The following NPAS2 variants were observed in gnomAD, a reference collection of about 807,000 sequenced individuals.
NPAS2 encodes neuronal PAS domain protein 2.
Under a neutral mutation model 107.5 loss-of-function variants are expected in NPAS2, and 23 were observed. That is an observed-to-expected ratio of 0.21 (90% CI 0.15 to 0.30). The LOEUF (loss-of-function observed/expected upper bound fraction) is 0.30, where lower values mean the gene tolerates loss of function less well. Among genes scored for constraint, NPAS2 ranks in the 10% least tolerant of loss-of-function variants. NPAS2 has a pLI of 1.00. For missense variants in NPAS2, 756 were observed against 1,043.3 expected, an observed-to-expected ratio of 0.72 and a Z score of 3.79; for synonymous variants, 403 against 417.5, an observed-to-expected ratio of 0.97 and a Z score of 0.42.
chr2:100,968,771 A>G lies in NPAS2; in HGVS notation c.1055+343A>G, dbSNP rs1676380327. Among the ~76,000 whole-genome samples the G allele has an allele frequency of 6.6e-6, 1 of 152,196 alleles. No homozygotes were observed. On this transcript the variant is annotated intron_variant, in intron 11 of 20. Transcript: ENST00000335681. This position sits in a 1 kb window ranked among gnomAD's most constrained non-coding sequence, Gnocchi z 5.3. ...ATATTTTCCCATCTCTATCCAGCCC[A>G]CAGCCTTCCCTTGTTCCTGCTTTGA... is the stretch of plus-strand genomic sequence containing the variant.
rs186820929 is a variant in NPAS2 at position 100,891,211 on chromosome 2, G to A, written c.-22-13522G>A. The stretch of plus-strand genomic sequence containing the variant: ...TGCGCCACTGCACTCCAGCCTGGGC[G>A]ACAGAATGAGACTCCATCTCAAAAA... On this transcript the variant is annotated intron_variant, in intron 1 of 20. Coordinates refer to ENST00000335681, the MANE Select transcript of NPAS2 (RefSeq NM_002518.4). 4.0e-5 allele frequency among the ~76,000 whole-genome samples: 6 copies of A among 148,486 alleles called. No homozygotes were observed. The South Asian group carries it at 6.4e-4, about 16-fold the overall frequency.
intron 1 of NPAS2, among the ~76,000 whole-genome samples, chr2:100,877,245 A>G (rs1680027854): frequency 1.3e-5 from 2 of 152,148 alleles, no homozygotes; most frequent in Non-Finnish European, 2.9e-5. Flanking sequence ...CAGGCGGATC[A>G]CGAGGTCAGG....
intron 1 of NPAS2, among the ~76,000 whole-genome samples, chr2:100,882,659 T>C (rs1680444613): frequency 6.6e-6 from 1 of 152,104 alleles, no homozygotes; most frequent in Non-Finnish European, 1.5e-5. Context: ...GAAAACACAC[T>C]TTATAAAGAC....
At chr2:100,852,482 A>G (rs1044541819) in intron 1 of NPAS2, among the ~76,000 whole-genome samples, 6 of 152,194 alleles carry the variant, frequency 3.9e-5, no homozygotes, top group African/African-American at 1.4e-4. Flanking sequence ...ATTTTCCCCC[A>G]TGGAACTCTG....
intron 1 of NPAS2, among the ~76,000 whole-genome samples, chr2:100,824,827 G>A (rs896145281): frequency 1.3e-5 from 2 of 152,158 alleles, no homozygotes; most frequent in African/African-American, 4.8e-5. Context: ...TGCCTTCCAC[G>A]CTCCCTGAAA....
chr2:100,917,570 G>A (rs372931281), intron 2 of NPAS2, among the ~76,000 whole-genome samples: 4 of 152,046 alleles, frequency 2.6e-5, no homozygotes, highest in East Asian at 3.9e-4. Flanking sequence ...AAATTGGTAA[G>A]TCTATCAAGG....
intron 15 of NPAS2, 71 bp downstream of exon 15, chr2:100,977,870 T>C: frequency 1.5e-6 from 2 of 1,325,598 alleles, no homozygotes; most frequent in Non-Finnish European, 2.2e-6. Context: ...GCTGATGGTC[T>C]TGTACACTTA....
intron 5 of NPAS2, among the ~76,000 whole-genome samples, chr2:100,938,688 C>T (rs935945774): frequency 3.6e-5 from 5 of 139,916 alleles, no homozygotes. Context: ...GAGGACCCAC[C>T]GTTGAGGCTC....
intron 3 of NPAS2, among the ~76,000 whole-genome samples, chr2:100,927,137 TGTTAGCCAG>T (rs1683627756): frequency 6.6e-6 from 1 of 151,996 alleles, no homozygotes; most frequent in Admixed American, 6.6e-5. Flanking sequence ...GGTTTCACCA[TGTTAGCCAG>T]GATAGTCTCA....
chr2:100,930,478 C>T (rs745937013), intron 3 of NPAS2, among the ~76,000 whole-genome samples: 1 of 152,134 alleles, frequency 6.6e-6, no homozygotes, highest in Admixed American at 6.5e-5. Flanking sequence ...GGGGGGTTGG[C>T]TCTTAATCAC....
intron 1 of NPAS2, among the ~76,000 whole-genome samples, chr2:100,842,260 A>C (rs979947619): frequency 6.6e-6 from 1 of 152,182 alleles, no homozygotes; most frequent in Non-Finnish European, 1.5e-5. Flanking sequence ...TTTTATTTAT[A>C]CTTTAAAAGG....
intron 6 of NPAS2, among the ~76,000 whole-genome samples, chr2:100,948,933 AAAGCTG>A (rs374061442): frequency 3.1e-4 from 47 of 152,364 alleles, no homozygotes; most frequent in African/African-American, 1.1e-3. Context: ...ATGAGGTAGC[AAAGCTG>A]CTTGCATCAG....
chr2:100,836,831 A>G (rs896652230), intron 1 of NPAS2, among the ~76,000 whole-genome samples: 1 of 152,174 alleles, frequency 6.6e-6, no homozygotes, highest in African/African-American at 2.4e-5. Context: ...GTTTTCCTCC[A>G]TTTTCCCAGA....
Position 100,820,515 on chromosome 2 carries a change from C to G in NPAS2, c.-23+101C>G, listed in dbSNP as rs903286496. On this transcript the variant is annotated intron_variant, in intron 1 of 20. Coordinates refer to ENST00000335681, the MANE Select transcript of NPAS2 (RefSeq NM_002518.4). The surrounding 1 kb of genome is among the most constrained non-coding windows in gnomAD (Gnocchi z 5.6). Reference sequence around the variant, plus strand: ...CCTGCTCGCCAGCGTGGAGGACGCGCGGGGGCGGAGGGGCGCTCAGGCGCG... The same window carrying G: ...CCTGCTCGCCAGCGTGGAGGACGCGGGGGGGCGGAGGGGCGCTCAGGCGCG... 7 of 151,940 alleles carry G rather than the reference C, an allele frequency of 4.6e-5. No homozygotes were observed. Among genetic ancestry groups the G allele is most frequent in the African/African-American group, 1.5e-4 (6 of 41,360 alleles). 9.4% of individuals were successfully genotyped at this position (151,940 alleles called of 1,614,324 possible). A position where few individuals can be genotyped will look rare whatever the true frequency, so the allele number is the denominator to read the frequency against.
At chr2:100,970,771 G>C (rs910462785) in intron 11 of NPAS2, 2 of 425,226 alleles carry the variant, frequency 4.7e-6, no homozygotes, top group African/African-American at 4.1e-5. Flanking sequence ...GAAATAAAAA[G>C]ATTTTGAATG....
At chr2:100,981,479 A>G (rs1677435386) in intron 15 of NPAS2, among the ~76,000 whole-genome samples, 1 of 152,174 alleles carries the variant, frequency 6.6e-6, no homozygotes. Flanking sequence ...GACAGGAGGC[A>G]GAGACTACCT....
chr2:100,897,125 A>G (rs1158196387), intron 1 of NPAS2, among the ~76,000 whole-genome samples: 1 of 151,882 alleles, frequency 6.6e-6, no homozygotes, highest in Non-Finnish European at 1.5e-5. Flanking sequence ...TCTCATGAGC[A>G]CCCACTCCTA....
intron 1 of NPAS2, among the ~76,000 whole-genome samples, chr2:100,847,593 A>G (rs181548868): frequency 3.9e-5 from 6 of 152,200 alleles, no homozygotes; most frequent in Admixed American, 2.6e-4. Flanking sequence ...GATGGTCTCA[A>G]TCTCCTGACC....
intron 1 of NPAS2, among the ~76,000 whole-genome samples, chr2:100,903,173 G>A (rs780411953): frequency 3.9e-5 from 6 of 152,200 alleles, no homozygotes; most frequent in Admixed American, 2.0e-4. Flanking sequence ...AGAACACAGC[G>A]TGGCCGGGTC....
Sources: allele counts gnomAD v4.1 joint callset (sites outside exome capture counted in the v4.1 genomes callset), GRCh38; gene constraint gnomAD v4.1.1; non-coding constraint Gnocchi (gnomAD v3.1); transcripts MANE v1.5; gene names NCBI Gene and HGNC (gene_info 2026-07-23, HGNC 2026-07-21).